TRAPPC9: variants seen among roughly 807,000 people sequenced by gnomAD.
TRAPPC9 encodes the protein IKK2 binding protein.
A neutral mutation model predicts 124.0 loss-of-function variants in TRAPPC9; 83 were observed. The observed-to-expected ratio is 0.67, with a 90% CI of 0.56 to 0.80. The LOEUF (loss-of-function observed/expected upper bound fraction) is 0.80, where lower values mean the gene tolerates loss of function less well. Among genes scored for constraint, TRAPPC9 ranks in the 30% least tolerant of loss-of-function variants. The probability of loss-of-function intolerance (pLI) is 0.00; values close to 1 mark genes in which losing one functional copy is unlikely to be tolerated. For missense variants in TRAPPC9, 1,302 were observed against 1,508.3 expected, an observed-to-expected ratio of 0.86 and a Z score of 2.27; for synonymous variants, 638 against 617.5, an observed-to-expected ratio of 1.03 and a Z score of -0.49.
At chr8:139,888,557 T>C (rs1830151579) in intron 20 of TRAPPC9, among the ~76,000 whole-genome samples, 1 of 152,110 alleles carries the variant, frequency 6.6e-6, no homozygotes, top group South Asian at 2.1e-4. Flanking sequence ...GAAACTTCTC[T>C]CCTTGCCCCA....
At chr8:139,770,936 C>T (rs779351924) in intron 21 of TRAPPC9, among the ~76,000 whole-genome samples, 5 of 152,138 alleles carry the variant, frequency 3.3e-5, no homozygotes, top group Admixed American at 1.3e-4. Context: ...TCTCCTGATG[C>T]GTCTGGGCTT....
chr8:140,275,611 TA>T, intron 15 of TRAPPC9, 46 bp downstream of exon 15: 1 of 1,588,646 alleles, frequency 6.3e-7, no homozygotes. Context: ...CTTCTACAAG[TA>T]AACAATACAA....
At chr8:139,819,034 G>C (rs1825064486) in intron 21 of TRAPPC9, among the ~76,000 whole-genome samples, 1 of 152,208 alleles carries the variant, frequency 6.6e-6, no homozygotes, top group Non-Finnish European at 1.5e-5. Context: ...GAGAGCAGGA[G>C]GTGAGCGGCG....
intron 21 of TRAPPC9, among the ~76,000 whole-genome samples, chr8:139,861,749 CCT>C (rs1670570432): frequency 6.6e-6 from 1 of 152,088 alleles, no homozygotes; most frequent in Non-Finnish European, 1.5e-5. Flanking sequence ...GAACAGACCC[CCT>C]GAGTCTCCAA....
At chr8:139,839,188 C>T (rs1205414376) in intron 21 of TRAPPC9, among the ~76,000 whole-genome samples, 3 of 152,220 alleles carry the variant, frequency 2.0e-5, no homozygotes, top group East Asian at 1.9e-4. Flanking sequence ...CCCAGGCACT[C>T]GCTACTTCAC....
chr8:139,925,819 ACG>A (rs1491463176), intron 19 of TRAPPC9, among the ~76,000 whole-genome samples: 3 of 92,710 alleles, frequency 3.2e-5, no homozygotes, highest in Admixed American at 9.8e-5. Context: ...GCACACGCAC[ACG>A]CACACGCACA....
At chr8:139,932,820 C>T (rs2131393208) in intron 19 of TRAPPC9, 3 of 319,748 alleles carry the variant, frequency 9.4e-6, no homozygotes, top group South Asian at 2.7e-5. Context: ...GCCAACCTCT[C>T]GTTGACATGT....
At chr8:139,845,674 G>A (rs1267238934) in intron 21 of TRAPPC9, among the ~76,000 whole-genome samples, 1 of 152,214 alleles carries the variant, frequency 6.6e-6, no homozygotes, top group Non-Finnish European at 1.5e-5. Context: ...TCCAGGCTGT[G>A]CCCCAGGGCA....
intron 17 of TRAPPC9, among the ~76,000 whole-genome samples, chr8:140,194,155 T>C (rs2062573765): frequency 6.6e-6 from 1 of 152,140 alleles, no homozygotes; most frequent in East Asian, 1.9e-4. Flanking sequence ...TCTAAACTCC[T>C]TAGTATGGCA....
At chr8:139,830,395 G>A (rs1169416661) in intron 21 of TRAPPC9, among the ~76,000 whole-genome samples, 1 of 149,948 alleles carries the variant, frequency 6.7e-6, no homozygotes, top group Non-Finnish European at 1.5e-5. Context: ...GCATACACAT[G>A]CAAATGAGCA....
chr8:139,876,360 G>A (rs1829321855), intron 21 of TRAPPC9, among the ~76,000 whole-genome samples: 1 of 152,212 alleles, frequency 6.6e-6, no homozygotes, highest in South Asian at 2.1e-4. Flanking sequence ...GCCTGCTCCA[G>A]GTGGTCTGTC....
rs113498661 is a variant in TRAPPC9 at position 140,296,985 on chromosome 8, G to C, written c.1768+3484C>G. 1.8e-3 allele frequency among the ~76,000 whole-genome samples: 275 copies of C among 152,382 alleles called. 1 individual carries two copies. The highest frequency in any genetic ancestry group is 6.3e-3 in the African/African-American group (262 of 41,598). ...GCCAGGGGAGACAGAGGAGCCCTGA[G>C]GGTGGCCTGCCCATCCCCACGGAGC... On this transcript the variant is annotated intron_variant, in intron 11 of 22. Coordinates refer to ENST00000438773, the MANE Select transcript of TRAPPC9 (RefSeq NM_001160372.4).
At chr8:140,256,367 C>T (rs1245122002) in intron 15 of TRAPPC9, among the ~76,000 whole-genome samples, 2 of 152,202 alleles carry the variant, frequency 1.3e-5, no homozygotes, top group Non-Finnish European at 2.9e-5. Flanking sequence ...GACACAAAAT[C>T]ACATCATCAA....
chr8:140,379,979 T>C (rs1293638098), intron 7 of TRAPPC9, among the ~76,000 whole-genome samples: 2 of 152,186 alleles, frequency 1.3e-5, no homozygotes, highest in Non-Finnish European at 2.9e-5. Context: ...CTCGTGTTCA[T>C]GGATTGGAAG....
intron 20 of TRAPPC9, among the ~76,000 whole-genome samples, chr8:139,908,079 G>A (rs960473316): frequency 3.3e-5 from 5 of 152,204 alleles, no homozygotes; most frequent in Non-Finnish European, 5.9e-5. Flanking sequence ...CTAGCAGGGT[G>A]CCCCTGTGTG....
chr8:140,146,983 C>T (rs56333842), intron 17 of TRAPPC9, among the ~76,000 whole-genome samples: 2,923 of 152,216 alleles, frequency 0.019, 31 homozygotes, highest in South Asian at 0.032. Flanking sequence ...GATTCATTTC[C>T]TTCTGTCAAC....
rs145722173 is a variant in TRAPPC9 at position 140,357,208 on chromosome 8, G to A, written c.1495+2842C>T. Among the ~76,000 whole-genome samples the A allele has an allele frequency of 7.2e-3, 1,093 of 152,290 alleles. 4 individuals carry two copies. Among genetic ancestry groups the A allele is most frequent in the South Asian group, 0.018 (88 of 4,818 alleles). ...GCTAGGGACTTGTGAAGGCTTTCAA[G>A]AGGAGGCCAGGCCCAAGAGGAGTCA... is the stretch of plus-strand genomic sequence containing the variant. On this transcript the variant is annotated intron_variant, in intron 9 of 22. Coordinates refer to ENST00000438773, the MANE Select transcript of TRAPPC9 (RefSeq NM_001160372.4).
At chr8:139,791,297 C>G (rs1357406440) in intron 21 of TRAPPC9, among the ~76,000 whole-genome samples, 1 of 149,572 alleles carries the variant, frequency 6.7e-6, no homozygotes, top group Non-Finnish European at 1.5e-5. Context: ...TGCACAGACT[C>G]TCACACAGGC....
chr8:139,847,170 G>A (rs896362866), intron 21 of TRAPPC9, among the ~76,000 whole-genome samples: 1 of 152,224 alleles, frequency 6.6e-6, no homozygotes, highest in African/African-American at 2.4e-5. Context: ...TTCCTGGGGA[G>A]CAAATGCAGC....
Sources: allele counts gnomAD v4.1 joint callset (sites outside exome capture counted in the v4.1 genomes callset), GRCh38; gene constraint gnomAD v4.1.1; transcripts MANE v1.5; gene names NCBI Gene and HGNC (gene_info 2026-07-23, HGNC 2026-07-21).